The following SGCZ variants were observed in gnomAD, a reference collection of about 807,000 sequenced individuals.
SGCZ encodes zeta-sarcoglycan.
In SGCZ, 40 loss-of-function variants were observed where a neutral mutation model predicts 41.3. The observed-to-expected ratio is 0.97, with a 90% confidence interval of 0.75 to 1.26. SGCZ has a LOEUF of 1.26. SGCZ is among the 50% of genes most tolerant of loss of function. SGCZ has a pLI of 0.00. For missense variants in SGCZ, 552 were observed against 369.8 expected, an observed-to-expected ratio of 1.49 and a Z score of -4.04; for synonymous variants, 206 against 137.5, an observed-to-expected ratio of 1.50 and a Z score of -3.49.
At chr8:14,208,777 A>G (rs1012622243) in intron 4 of SGCZ, among the ~76,000 whole-genome samples, 13 of 152,334 alleles carry the variant, frequency 8.5e-5, no homozygotes, top group African/African-American at 3.1e-4. Context: ...AAATAATCTT[A>G]TATTCACAAC....
At chr8:14,261,891 A>G (rs1049672829) in intron 3 of SGCZ, among the ~76,000 whole-genome samples, 2 of 152,186 alleles carry the variant, frequency 1.3e-5, no homozygotes, top group African/African-American at 4.8e-5. Context: ...GCAAAGCAAA[A>G]GTAGAGGAAA....
chr8:14,683,744 C>A (rs76449114), intron 1 of SGCZ, among the ~76,000 whole-genome samples: 11 of 152,100 alleles, frequency 7.2e-5, no homozygotes, highest in Admixed American at 5.2e-4. Context: ...CTTCAGTGAG[C>A]TTTTTCAAAA....
At chr8:15,168,244 C>T (rs531853701) in intron 1 of SGCZ, among the ~76,000 whole-genome samples, 3 of 152,284 alleles carry the variant, frequency 2.0e-5, no homozygotes, top group African/African-American at 7.2e-5. Flanking sequence ...GATTCAGAGG[C>T]AGATGACAAC....
At chr8:14,325,995 C>G (rs1299405239) in intron 2 of SGCZ, among the ~76,000 whole-genome samples, 18 of 147,692 alleles carry the variant, frequency 1.2e-4, no homozygotes, top group Non-Finnish European at 7.5e-5. Context: ...GCCTGTAGTC[C>G]CAGGTACTCG....
rs1204949488 is a variant in SGCZ, at chr8:14,088,522, C to A, written c.*1921G>T. On this transcript the variant is annotated 3_prime_UTR_variant, in exon 8 of 8. Coordinates refer to ENST00000382080, the MANE Select transcript of SGCZ (RefSeq NM_139167.4). Reference sequence around the variant, plus strand: ...GTATTATACTTTATTTTGCAAAGACCAATGTGAGATTTCTTATATTAAATT... The same window carrying A: ...GTATTATACTTTATTTTGCAAAGACAAATGTGAGATTTCTTATATTAAATT... 2.6e-5 allele frequency among the ~76,000 whole-genome samples: 4 copies of A among 151,572 alleles called. No homozygotes were observed. Among genetic ancestry groups the A allele is most frequent in the Admixed American group, 2.6e-4 (4 of 15,164 alleles).
At chr8:14,919,138 G>A (rs921033458) in intron 1 of SGCZ, among the ~76,000 whole-genome samples, 1 of 152,110 alleles carries the variant, frequency 6.6e-6, no homozygotes, top group African/African-American at 2.4e-5. Flanking sequence ...ATTTATGCTT[G>A]TTAAATAAAT....
chr8:15,155,959 G>A (rs1799317642), intron 1 of SGCZ, among the ~76,000 whole-genome samples: 1 of 150,366 alleles, frequency 6.7e-6, no homozygotes, highest in Non-Finnish European at 1.5e-5. Flanking sequence ...TCGAGAGGCC[G>A]AAGCAGGAGA....
chr8:14,891,232 A>T (rs75904972), intron 1 of SGCZ, among the ~76,000 whole-genome samples: 2,639 of 152,338 alleles, frequency 0.017, 104 homozygotes, highest in East Asian at 0.17. Context: ...GAATCTGGGC[A>T]TAGTAAACTG....
chr8:15,173,961 A>G (rs1462855174), intron 1 of SGCZ, among the ~76,000 whole-genome samples: 7 of 152,106 alleles, frequency 4.6e-5, no homozygotes, highest in African/African-American at 9.7e-5. Flanking sequence ...GGCTCAAGCA[A>G]TCCTTCCACT....
chr8:14,910,549 A>T (rs1458373072), intron 1 of SGCZ, among the ~76,000 whole-genome samples: 3 of 151,908 alleles, frequency 2.0e-5, no homozygotes, highest in African/African-American at 7.2e-5. Flanking sequence ...GGTATTGATA[A>T]ACCATTTTTC....
intron 4 of SGCZ, among the ~76,000 whole-genome samples, chr8:14,180,513 G>C (rs1254805665): frequency 1.3e-5 from 2 of 151,896 alleles, no homozygotes; most frequent in Admixed American, 6.6e-5. Context: ...TAGACTGGAA[G>C]TCCCATTTAT....
intron 1 of SGCZ, among the ~76,000 whole-genome samples, chr8:14,685,150 A>G (rs1808570603): frequency 6.6e-6 from 1 of 152,164 alleles, no homozygotes; most frequent in South Asian, 2.1e-4. Context: ...AATACTGATA[A>G]AGAAGGAAAA....
intron 5 of SGCZ, among the ~76,000 whole-genome samples, chr8:14,131,200 C>T (rs1044510534): frequency 2.0e-5 from 3 of 152,220 alleles, no homozygotes; most frequent in South Asian, 4.1e-4. Flanking sequence ...CAAAAGATGC[C>T]GCTTCAGAGG....
chr8:14,885,178 A>T (rs1020377540), intron 1 of SGCZ, among the ~76,000 whole-genome samples: 4 of 152,150 alleles, frequency 2.6e-5, no homozygotes, highest in Admixed American at 2.0e-4. Flanking sequence ...TCTCTATTTA[A>T]TATGTCCATG....
At chr8:15,226,190 C>T (rs913002334) in intron 1 of SGCZ, among the ~76,000 whole-genome samples, 1 of 152,186 alleles carries the variant, frequency 6.6e-6, no homozygotes, top group Non-Finnish European at 1.5e-5. Flanking sequence ...TACCTACCTA[C>T]CTCCCTACTT....
At chr8:14,229,213 G>C (rs1806476884) in intron 4 of SGCZ, among the ~76,000 whole-genome samples, 1 of 152,082 alleles carries the variant, frequency 6.6e-6, no homozygotes, top group Non-Finnish European at 1.5e-5. Context: ...ATTTCTGTTT[G>C]TAGGACACAA....
intron 4 of SGCZ, among the ~76,000 whole-genome samples, chr8:14,205,013 G>A (rs973007597): frequency 6.6e-6 from 1 of 152,074 alleles, no homozygotes; most frequent in Non-Finnish European, 1.5e-5. Flanking sequence ...CCATACGCCT[G>A]TTTGTCTGTC....
At chr8:14,465,234 G>A (rs959560485) in intron 2 of SGCZ, among the ~76,000 whole-genome samples, 5 of 151,354 alleles carry the variant, frequency 3.3e-5, no homozygotes, top group Middle Eastern at 3.4e-3. Flanking sequence ...TGCCTCATAT[G>A]TTTTGATGTT....
chr8:14,687,496 C>T lies in SGCZ; in HGVS notation c.40-132570G>A, dbSNP rs527968738. Among the ~76,000 whole-genome samples the T allele has an allele frequency of 1.4e-3, 218 of 151,894 alleles. 11 individuals carry two copies. The South Asian group carries it at 0.04, about 28-fold the overall frequency. ...TACTGAGAATGATGATTTCCAATTT[C>T]ATCCATGTCCCTACAAAGGACATGA... On this transcript the variant is annotated intron_variant, in intron 1 of 7. Transcript: ENST00000382080.
Sources: gnomAD v4.1 joint callset for allele counts (sites outside exome capture counted in the v4.1 genomes callset) on GRCh38, gnomAD v4.1.1 for gene constraint, MANE v1.5 for transcripts, NCBI Gene and HGNC (gene_info 2026-07-23, HGNC 2026-07-21) for gene names.